Variants in ZNF431 observed in about 807,000 individuals in gnomAD.
The protein encoded by ZNF431 is zinc finger protein 431.
In ZNF431, 34 loss-of-function variants were observed where a neutral mutation model predicts 57.0. The observed-to-expected ratio is 0.60, with a 90% CI of 0.45 to 0.79. The LOEUF is 0.79. Ranked by LOEUF, ZNF431 falls within the 30% of genes least tolerant of loss-of-function variation. The pLI is 0.00. For missense variants in ZNF431, 607 were observed against 667.1 expected (o/e 0.91, Z 0.99); for synonymous variants, 207 against 220.3 (o/e 0.94, Z 0.54).
rs952455327 is a variant in ZNF431, at chr19:21,157,583, G to T, written c.97-8752G>T. ...GAGTCTTGCTCTGTCCCAGGCTGGAGTGTAGTGGTGGGACCTTGGCTCACT... is the reference window on the plus strand; with the variant it reads ...GAGTCTTGCTCTGTCCCAGGCTGGATTGTAGTGGTGGGACCTTGGCTCACT... On this transcript the variant is annotated intron_variant, in intron 2 of 4. Transcript: ENST00000311048. Among the ~76,000 whole-genome samples the T allele has an allele frequency of 2.0e-5, 3 of 151,668 alleles. No individual in the cohort carries two copies. The East Asian group carries it at 5.9e-4, about 30-fold the overall frequency.
Position 21,195,949 on chromosome 19 carries a change from ATAT to A in ZNF431, c.*11919_*11921del, listed in dbSNP as rs796579546. ...AAATCATATTCGTAAGTTGTGGTAGATATTATCATCAGTGTATTCATGATTCGA... is the reference window on the plus strand; with the variant it reads ...AAATCATATTCGTAAGTTGTGGTAGATATCATCAGTGTATTCATGATTCGA... On this transcript the variant is annotated 3_prime_UTR_variant, in exon 5 of 5. Transcript: ENST00000311048. 4 of 152,278 alleles carry A rather than the reference ATAT, an allele frequency of 2.6e-5. No individual in the cohort carries two copies. The highest frequency in any genetic ancestry group is 4.8e-5 in the African/African-American group (2 of 41,544). 9.4% of individuals were successfully genotyped at this position (152,278 alleles called of 1,614,324 possible). A position where few individuals can be genotyped will look rare whatever the true frequency, so the allele number is the denominator to read the frequency against.
rs539210750 is a variant in ZNF431 at position 21,158,791 on chromosome 19, T to A, written c.97-7544T>A. On this transcript the variant is annotated intron_variant, in intron 2 of 4. Transcript: ENST00000311048. The stretch of plus-strand genomic sequence containing the variant: ...ATAAGGATAGTTTGACTTCCTCTCT[T>A]CTTTTTTGGATGTCTTTTATTTTAA... Among the ~76,000 whole-genome samples the A allele has an allele frequency of 4.6e-5, 7 of 152,244 alleles. No individual in the cohort carries two copies. In the South Asian group the frequency reaches 1.2e-3, roughly 27 times the overall value.
chr19:21,142,312 G>A, intron 1 of ZNF431, 126 bp downstream of exon 1: 5 of 1,335,290 alleles, frequency 3.7e-6, no homozygotes, highest in South Asian at 1.2e-5. Context: ...AGTTCTCCTT[G>A]CCCAGCTCGG....
At chr19:21,143,419 C>A in intron 1 of ZNF431, 132 bp from the exon 2 acceptor site, 2 of 692,646 alleles carry the variant, frequency 2.9e-6, no homozygotes, top group South Asian at 3.4e-5. Flanking sequence ...GGTGATGTGT[C>A]CTCAGCCACC....
chr19:21,171,753 C>G, intron 4 of ZNF431, among the ~76,000 whole-genome samples: 1 of 123,992 alleles, frequency 8.1e-6, no homozygotes. Context: ...CAGAGTCTCG[C>G]CTTTTCGCCC....
intron 4 of ZNF431, among the ~76,000 whole-genome samples, chr19:21,181,434 T>A (rs1437678401): frequency 1.3e-5 from 2 of 152,162 alleles, no homozygotes; most frequent in Non-Finnish European, 2.9e-5. Context: ...CCTGCAAAGT[T>A]TTTGTTGACA....
intron 2 of ZNF431, among the ~76,000 whole-genome samples, chr19:21,155,305 A>G (rs894334555): frequency 2.0e-4 from 30 of 152,088 alleles, no homozygotes; most frequent in African/African-American, 5.6e-4. Flanking sequence ...TGTTTTTGTC[A>G]GGTTTGTCAA....
chr19:21,183,971 TAAAC>T lies in ZNF431; in HGVS notation c.1672_1675del (p.Gln558IlefsTer28). 1 of 1,594,392 alleles carries T rather than the reference TAAAC, an allele frequency of 6.3e-7. No homozygotes were observed. Among genetic ancestry groups the T allele is most frequent in the Non-Finnish European group, 8.5e-7 (1 of 1,173,314 alleles). ...CATTTAACCAGTCCTCAAACCTTAT[TAAAC>T]AAAATAATTCATACTGGAGAGAAAC... On this transcript the variant is annotated frameshift_variant, in exon 5 of 5. Coordinates refer to ENST00000311048, the MANE Select transcript of ZNF431 (RefSeq NM_133473.4). LOFTEE classifies it high-confidence loss of function.
chr19:21,143,243 T>A (rs903258890), intron 1 of ZNF431, among the ~76,000 whole-genome samples: 20 of 152,102 alleles, frequency 1.3e-4, no homozygotes, highest in African/African-American at 4.6e-4. Context: ...AAAAGATTTT[T>A]TAAAAAAAAT....
Position 21,182,860 on chromosome 19 carries a change from A to T in ZNF431, c.557A>T (p.His186Leu), listed in dbSNP as rs1424279056. 6.2e-7 allele frequency: 1 copy of T among 1,613,874 alleles called. No homozygotes were observed. The highest frequency in any genetic ancestry group is 1.7e-5 in the Admixed American group (1 of 59,984). Residue 186 changes from histidine to leucine, a missense_variant, in exon 5 of 5, where the codon CAT becomes CTT. Coordinates refer to ENST00000311048, the MANE Select transcript of ZNF431 (RefSeq NM_133473.4). ...FPCDKYVKVFHKFLNANRHKT... is the reference protein window; with the variant it reads ...FPCDKYVKVFLKFLNANRHKT... ...TGTGATAAATATGTGAAAGTCTTTCATAAATTTTTAAATGCAAATAGACAT... is the reference window on the plus strand; with the variant it reads ...TGTGATAAATATGTGAAAGTCTTTCTTAAATTTTTAAATGCAAATAGACAT...
rs189779769 is a variant in ZNF431, at chr19:21,142,199, G to C, written c.3+13G>C. 2.5e-6 allele frequency: 4 copies of C among 1,613,108 alleles called. No homozygotes were observed. The African/African-American group carries it at 5.3e-5, about 21-fold the overall frequency. ...AAGCCTAGAAATGGTGAGAGTGCCG[G>C]GTCGGACATCCCGAGAGAGGGGAAG... On this transcript the variant is annotated intron_variant, in intron 1 of 4. Coordinates refer to ENST00000311048, the MANE Select transcript of ZNF431 (RefSeq NM_133473.4).
intron 4 of ZNF431, among the ~76,000 whole-genome samples, chr19:21,173,870 CT>C (rs1347819015): frequency 6.6e-6 from 1 of 151,766 alleles, no homozygotes; most frequent in Non-Finnish European, 1.5e-5. Flanking sequence ...ATTAATTTTG[CT>C]TTTCTTTTCA....
chr19:21,151,029 C>G (rs1422367277), intron 2 of ZNF431: 1 of 152,050 alleles, frequency 6.6e-6, no homozygotes, highest in Non-Finnish European at 1.5e-5. Flanking sequence ...TGTACTTAAG[C>G]TGACTTTTAA....
At chr19:21,146,409 GA>G (rs59050670) in intron 2 of ZNF431, among the ~76,000 whole-genome samples, 98,482 of 108,716 alleles carry the variant, frequency 0.91, 44,503 homozygotes, top group Middle Eastern at 0.97. Flanking sequence ...CACTCTGTCT[GA>G]AAAAAAAAAA....
At position 21,194,488 on chromosome 19, in the gene ZNF431, TG is replaced by T. The variant is rs1184674693; in HGVS notation, c.*10455del. On this transcript the variant is annotated 3_prime_UTR_variant, in exon 5 of 5. Coordinates refer to ENST00000311048, the MANE Select transcript of ZNF431 (RefSeq NM_133473.4). ...ATGTCGATTACTTTTTTTTTTTTTT[TG>T]AGACAGTGTTGCTCTGTGGCCTAGG... is the stretch of plus-strand genomic sequence containing the variant. 6.6e-6 allele frequency: 1 copy of T among 151,286 alleles called. No homozygotes were observed. Among genetic ancestry groups the T allele is most frequent in the Admixed American group, 6.6e-5 (1 of 15,176 alleles). The allele number at this position is 151,286 out of a possible 1,614,324, so 9.4% of individuals were successfully genotyped here.
chr19:21,155,703 G>A (rs1174419936), intron 2 of ZNF431, among the ~76,000 whole-genome samples: 3 of 152,094 alleles, frequency 2.0e-5, no homozygotes, highest in Non-Finnish European at 2.9e-5. Context: ...TTGTGGGACT[G>A]AGATCTGAAT....
intron 4 of ZNF431, among the ~76,000 whole-genome samples, chr19:21,179,374 T>C (rs1432219409): frequency 2.0e-5 from 3 of 152,130 alleles, no homozygotes; most frequent in African/African-American, 7.2e-5. Context: ...ACTTCCACTC[T>C]GAATCTGGTT....
intron 2 of ZNF431, among the ~76,000 whole-genome samples, chr19:21,147,853 A>C (rs560145892): frequency 6.6e-6 from 1 of 152,170 alleles, no homozygotes; most frequent in Non-Finnish European, 1.5e-5. Context: ...TAACATATTT[A>C]CACAAATATA....
At chr19:21,142,870 A>G (rs1298881976) in intron 1 of ZNF431, among the ~76,000 whole-genome samples, 1 of 152,160 alleles carries the variant, frequency 6.6e-6, no homozygotes, top group Non-Finnish European at 1.5e-5. Context: ...TCAATGTAGT[A>G]ATTTACTGAA....
Sources: allele counts gnomAD v4.1 joint callset (sites outside exome capture counted in the v4.1 genomes callset), GRCh38; gene constraint gnomAD v4.1.1; transcripts MANE v1.5; gene names NCBI Gene and HGNC (gene_info 2026-07-23, HGNC 2026-07-21).